The following VPS37A variants were observed in gnomAD, a reference collection of about 807,000 sequenced individuals.
The protein encoded by VPS37A is vacuolar protein sorting-associated protein 37A.
A neutral mutation model predicts 49.8 loss-of-function variants in VPS37A; 30 were observed. That is an observed-to-expected ratio of 0.60 (90% CI 0.45 to 0.82). The LOEUF (loss-of-function observed/expected upper bound fraction) is 0.82, where lower values mean the gene tolerates loss of function less well. VPS37A is among the 40% of genes least tolerant of loss of function. VPS37A has a pLI of 0.00. For synonymous variants in VPS37A, 195 were observed against 160.6 expected (o/e 1.21, Z -1.62); for missense variants, 593 against 464.4 (o/e 1.28, Z -2.55).
At chr8:17,269,080 T>G in intron 4 of VPS37A, 124 bp downstream of exon 4, 1 of 653,428 alleles carries the variant, frequency 1.5e-6, no homozygotes, top group Non-Finnish European at 2.5e-6. Flanking sequence ...CACAAATACA[T>G]CCATACTTTC....
At chr8:17,251,741 C>T (rs1812001565) in intron 1 of VPS37A, among the ~76,000 whole-genome samples, 1 of 152,096 alleles carries the variant, frequency 6.6e-6, no homozygotes. Context: ...TGTTCTTGTC[C>T]CTATCTTTAA....
intron 1 of VPS37A, among the ~76,000 whole-genome samples, chr8:17,254,451 C>T (rs192997102): frequency 8.0e-4 from 122 of 152,318 alleles, no homozygotes; most frequent in African/African-American, 2.7e-3. Flanking sequence ...TGCTGCTCCA[C>T]GAATGTCACC....
intron 1 of VPS37A, among the ~76,000 whole-genome samples, chr8:17,253,465 A>T (rs748663252): frequency 1.3e-5 from 2 of 152,222 alleles, no homozygotes; most frequent in Non-Finnish European, 2.9e-5. Context: ...GTCACAGAAG[A>T]TGGTGATGTG....
rs186312949 is a variant in VPS37A, at chr8:17,297,418, C to A, written c.*2432C>A. ...CTTAAATTGAAGGACAGCTCAGATTCATTTTTAGGAGAAGAAAGTAAACTA... is the reference window on the plus strand; with the variant it reads ...CTTAAATTGAAGGACAGCTCAGATTAATTTTTAGGAGAAGAAAGTAAACTA... On this transcript the variant is annotated 3_prime_UTR_variant, in exon 12 of 12. Coordinates refer to ENST00000324849, the MANE Select transcript of VPS37A (RefSeq NM_152415.3). 1.4e-4 allele frequency: 21 copies of A among 152,070 alleles called. No homozygotes were observed. The highest frequency in any genetic ancestry group is 4.6e-4 in the Admixed American group (7 of 15,272). 9.4% of individuals were successfully genotyped at this position (152,070 alleles called of 1,614,324 possible). A position where few individuals can be genotyped will look rare whatever the true frequency, so the allele number is the denominator to read the frequency against.
chr8:17,302,257 C>T (rs750208861), downstream of VPS37A: 24 of 1,613,860 alleles, frequency 1.5e-5, no homozygotes, highest in African/African-American at 6.7e-5. Context: ...CTTTTCAAAG[C>T]GGTTATACAT....
At chr8:17,257,345 G>A (rs937634718) in intron 1 of VPS37A, among the ~76,000 whole-genome samples, 2 of 152,302 alleles carry the variant, frequency 1.3e-5, no homozygotes, top group South Asian at 2.1e-4. Context: ...AAGCTGGATA[G>A]ATAGTGTGAT....
Position 17,268,247 on chromosome 8 carries a change from A to T in VPS37A, c.201-11A>T. 1 of 1,590,686 alleles carries T rather than the reference A, an allele frequency of 6.3e-7. No individual in the cohort carries two copies. The highest frequency in any genetic ancestry group is 8.6e-7 in the Non-Finnish European group (1 of 1,160,860). Reference sequence around the variant, plus strand: ...TTTGTTTTTGTTTTTCATCTGTTCTACCTCTACCAGATTGCTTCCTCCACA... The same window carrying T: ...TTTGTTTTTGTTTTTCATCTGTTCTTCCTCTACCAGATTGCTTCCTCCACA... On this transcript the variant is annotated splice_polypyrimidine_tract_variant and intron_variant, in intron 2 of 11. Coordinates refer to ENST00000324849, the MANE Select transcript of VPS37A (RefSeq NM_152415.3).
At chr8:17,286,552 G>A (rs2150415260) in intron 11 of VPS37A, 125 bp downstream of exon 11, 2 of 733,448 alleles carry the variant, frequency 2.7e-6, no homozygotes, top group East Asian at 2.7e-5. Context: ...ACTGTGCTAT[G>A]TAACATAGAA....
chr8:17,288,614 C>G (rs1479690052), intron 11 of VPS37A, among the ~76,000 whole-genome samples: 1 of 152,194 alleles, frequency 6.6e-6, no homozygotes, highest in Non-Finnish European at 1.5e-5. Context: ...TTTATCCATT[C>G]TATCATTGAT....
At chr8:17,278,601 C>G (rs1396311667) in intron 6 of VPS37A, among the ~76,000 whole-genome samples, 1 of 152,054 alleles carries the variant, frequency 6.6e-6, no homozygotes, top group Non-Finnish European at 1.5e-5. Flanking sequence ...TTCTCCCAGA[C>G]CTAGAGTCAG....
At chr8:17,315,639 A>G in the VPS37A span, among the ~76,000 whole-genome samples, 92 of 152,274 alleles carry the variant, frequency 6.0e-4, 1 homozygote, top group Non-Finnish European at 9.4e-4. Flanking sequence ...AAAAAGAAAA[A>G]GTCTTTAAAA....
intron 11 of VPS37A, among the ~76,000 whole-genome samples, chr8:17,287,541 G>A (rs1586063616): frequency 6.6e-6 from 1 of 152,096 alleles, no homozygotes; most frequent in Middle Eastern, 3.4e-3. Context: ...AGCCGGGCAT[G>A]GTGGCAGGCA....
chr8:17,300,344 A>G, downstream of VPS37A: 2 of 1,134,946 alleles, frequency 1.8e-6, no homozygotes, highest in Non-Finnish European at 1.2e-6. Context: ...CATGTGACTC[A>G]GAGGGATGTG....
downstream of VPS37A, chr8:17,304,571 A>T (rs923599598): frequency 6.4e-7 from 1 of 1,558,152 alleles, no homozygotes; most frequent in African/African-American, 1.4e-5. Flanking sequence ...GCTTACACAC[A>T]GTAGATATGT....
In VPS37A at chr8:17,280,064, G is replaced by T; in HGVS notation, c.750G>T (p.Glu250Asp). The stretch of plus-strand genomic sequence containing the variant: ...TCACAGATATGAATGAACAAGAGGA[G>T]GTATTACTAGAACAGTTTCTGACTT... ...SQLTDMNEQEEVLLEQFLTLP... is the reference protein window; with the variant it reads ...SQLTDMNEQEDVLLEQFLTLP... The change falls in exon 7 of 12, where the codon GAG becomes GAT. Residue 250 changes from glutamate (E) to aspartate (D), a missense_variant. By Grantham distance (45) the Glu-to-Asp change is conservative (BLOSUM62 2). Transcript: ENST00000324849. 2.5e-6 allele frequency: 4 copies of T among 1,612,116 alleles called. No homozygotes were observed. The highest frequency in any genetic ancestry group is 3.4e-6 in the Non-Finnish European group (4 of 1,179,122).
At chr8:17,280,579 CG>C (rs879531614) in intron 9 of VPS37A, 136 bp downstream of exon 9, 8 of 721,480 alleles carry the variant, frequency 1.1e-5, no homozygotes, top group Admixed American at 3.5e-5. Context: ...TACCTTTAAA[CG>C]TGGATGAACA....
chr8:17,265,692 TC>T, intron 1 of VPS37A: 1 of 1,307,520 alleles, frequency 7.6e-7, no homozygotes, highest in Non-Finnish European at 1.0e-6. Context: ...TCATCCCCCT[TC>T]CCCTGGATAG....
chr8:17,311,426 A>C, the VPS37A span: 4 of 1,561,366 alleles, frequency 2.6e-6, no homozygotes, highest in Non-Finnish European at 3.5e-6. Context: ...TGGCAAGAAA[A>C]CAGCAGTTGC....
In VPS37A at chr8:17,247,208, A is replaced by T. The variant is rs767691787; in HGVS notation, c.-37A>T. ...CGAGCCACTGGGAGAAGCAGGCCAGAGCCTTCCAGGGCCTCCGGCCCGTGG... is the reference window on the plus strand; with the variant it reads ...CGAGCCACTGGGAGAAGCAGGCCAGTGCCTTCCAGGGCCTCCGGCCCGTGG... On this transcript the variant is annotated 5_prime_UTR_variant, in exon 1 of 12. Transcript: ENST00000324849. 2 of 1,559,874 alleles carry T rather than the reference A, an allele frequency of 1.3e-6. No homozygotes were observed. The highest frequency in any genetic ancestry group is 1.2e-5 in the South Asian group (1 of 84,684).
Sources: allele counts gnomAD v4.1 joint callset (sites outside exome capture counted in the v4.1 genomes callset), GRCh38; gene constraint gnomAD v4.1.1; transcripts MANE v1.5; gene names NCBI Gene and HGNC (gene_info 2026-07-23, HGNC 2026-07-21).